OR51B5: variants seen among roughly 807,000 people sequenced by gnomAD.
OR51B5 encodes the protein olfactory receptor 51B5.
For synonymous variants in OR51B5, 186 were observed against 144.8 expected (o/e 1.28, Z -2.04); for missense variants, 456 against 374.6 (o/e 1.22, Z -1.79).
chr11:5,485,740 TC>T (rs1367128855), intron 1 of OR51B5, among the ~76,000 whole-genome samples: 4 of 152,144 alleles, frequency 2.6e-5, no homozygotes, highest in Non-Finnish European at 5.9e-5. Context: ...CATGGCTAGC[TC>T]TTTTGACTCA....
At chr11:5,370,816 G>A (rs1002615222) in intron 1 of OR51B5, among the ~76,000 whole-genome samples, 4 of 152,148 alleles carry the variant, frequency 2.6e-5, no homozygotes, top group Non-Finnish European at 5.9e-5. Context: ...ATGCAATAGA[G>A]AATAACAAAA....
intron 1 of OR51B5, among the ~76,000 whole-genome samples, chr11:5,465,653 G>A (rs546523765): frequency 1.8e-4 from 25 of 140,754 alleles, no homozygotes; most frequent in African/African-American, 5.3e-4. Flanking sequence ...AAATAACGAC[G>A]CATATCTACA....
At chr11:5,476,410 G>T (rs1298947029) in intron 1 of OR51B5, among the ~76,000 whole-genome samples, 1 of 152,126 alleles carries the variant, frequency 6.6e-6, no homozygotes, top group Non-Finnish European at 1.5e-5. Context: ...ATGGCCACAA[G>T]GGGGCACTCA....
intron 1 of OR51B5, among the ~76,000 whole-genome samples, chr11:5,447,994 G>A (rs144108193): frequency 6.6e-6 from 1 of 152,246 alleles, no homozygotes; most frequent in East Asian, 1.9e-4. Flanking sequence ...ACTCCTCAAA[G>A]TCTGAGTTTC....
chr11:5,384,392 A>T (rs1458523484), intron 1 of OR51B5, among the ~76,000 whole-genome samples: 184 of 152,328 alleles, frequency 1.2e-3, no homozygotes, highest in African/African-American at 4.2e-3. Context: ...CAGGGTTCTC[A>T]CAGAATCTCT....
At chr11:5,390,026 T>C in intron 1 of OR51B5, 1 of 1,613,570 alleles carries the variant, frequency 6.2e-7, no homozygotes, top group Non-Finnish European at 8.5e-7. Context: ...CAATAATCTG[T>C]ATGGACTGAT....
rs557604315 is a variant in OR51B5, at chr11:5,349,227, CTCAGTTT to C, written n.85-2324_85-2318del. ...CAACTGAGTGAATCAAGTGAAAGCA[CTCAGTTT>C]TCAATATGAAAACAGACAAGACAAA... On this transcript the variant is annotated intron_variant and non_coding_transcript_variant, in intron 1 of 4. Coordinates refer to the OR51B5 transcript ENST00000415970. Among the ~76,000 whole-genome samples, 10 of 152,202 alleles carry C rather than the reference CTCAGTTT, an allele frequency of 6.6e-5. No individual in the cohort carries two copies. The South Asian group carries it at 2.1e-3, about 32-fold the overall frequency.
At position 5,390,269 on chromosome 11, in the gene OR51B5, G is replaced by A. The variant is rs1352900534; in HGVS notation, n.85-43359C>T. 5 of 1,614,024 alleles carry A rather than the reference G, an allele frequency of 3.1e-6. No homozygotes were observed. In the South Asian group the frequency reaches 4.4e-5, roughly 14 times the overall value. On this transcript the variant is annotated intron_variant and non_coding_transcript_variant, in intron 1 of 4. Coordinates refer to the OR51B5 transcript ENST00000415970. ...TGCTATTCATCTTCTTATGGCCAATGTCTACCTTTTTGTGCCTCCCATGCT... is the reference window on the plus strand; with the variant it reads ...TGCTATTCATCTTCTTATGGCCAATATCTACCTTTTTGTGCCTCCCATGCT...
At position 5,441,505 on chromosome 11, in the gene OR51B5, G is replaced by C. The variant is rs1850689783; in HGVS notation, n.84+64064C>G. 7 of 1,610,720 alleles carry C rather than the reference G, an allele frequency of 4.3e-6. No individual in the cohort carries two copies. The highest frequency in any genetic ancestry group is 5.1e-6 in the Non-Finnish European group (6 of 1,179,376). Reference sequence around the variant, plus strand: ...GCTGGCTGGAAGGGGGTGCCATTGAGACCCAGCATGGTGGGAGAATATAGA... The same window carrying C: ...GCTGGCTGGAAGGGGGTGCCATTGACACCCAGCATGGTGGGAGAATATAGA... On this transcript the variant is annotated intron_variant and non_coding_transcript_variant, in intron 1 of 4. Transcript: ENST00000415970.
At chr11:5,429,234 T>A (rs1407512717) in intron 1 of OR51B5, among the ~76,000 whole-genome samples, 2 of 152,164 alleles carry the variant, frequency 1.3e-5, no homozygotes, top group East Asian at 3.8e-4. Context: ...TTTGAGAGTT[T>A]GGGGAGACTG....
intron 1 of OR51B5, among the ~76,000 whole-genome samples, chr11:5,418,446 A>G (rs1376124667): frequency 1.3e-5 from 2 of 151,486 alleles, no homozygotes; most frequent in African/African-American, 2.4e-5. Flanking sequence ...AAGAAAAACA[A>G]AACAAACAAA....
chr11:5,395,966 T>C (rs1253513650), intron 1 of OR51B5, among the ~76,000 whole-genome samples: 1 of 152,252 alleles, frequency 6.6e-6, no homozygotes, highest in Non-Finnish European at 1.5e-5. Flanking sequence ...TAAAATTGCA[T>C]ATGAATGGCT....
At chr11:5,458,678 C>A (rs1846316) in intron 1 of OR51B5, among the ~76,000 whole-genome samples, 98,346 of 152,018 alleles carry the variant, frequency 0.65, 32,099 homozygotes, top group Non-Finnish European at 0.67. Flanking sequence ...TCACCTGCAC[C>A]GTTAACTGTA....
intron 1 of OR51B5, among the ~76,000 whole-genome samples, chr11:5,406,760 T>A (rs985105008): frequency 6.6e-6 from 1 of 152,122 alleles, no homozygotes; most frequent in African/African-American, 2.4e-5. Flanking sequence ...AAGATCAAGA[T>A]TCCAAAGAGA....
intron 1 of OR51B5, among the ~76,000 whole-genome samples, chr11:5,401,603 C>T (rs1308384002): frequency 6.6e-6 from 1 of 152,152 alleles, no homozygotes; most frequent in Non-Finnish European, 1.5e-5. Flanking sequence ...TTTTTATATA[C>T]CATGCTATAG....
intron 1 of OR51B5, among the ~76,000 whole-genome samples, chr11:5,417,341 C>T (rs1367331793): frequency 3.3e-5 from 5 of 151,880 alleles, no homozygotes; most frequent in Admixed American, 3.3e-4. Context: ...AAAACCTAGG[C>T]ATTACCATTC....
chr11:5,370,041 G>T (rs1438973650), intron 1 of OR51B5, among the ~76,000 whole-genome samples: 1 of 152,132 alleles, frequency 6.6e-6, no homozygotes, highest in Non-Finnish European at 1.5e-5. Context: ...CCCCAGGAGA[G>T]TCAGTGTTCC....
chr11:5,450,540 G>C (rs576847423), intron 1 of OR51B5, among the ~76,000 whole-genome samples: 1 of 152,252 alleles, frequency 6.6e-6, no homozygotes, highest in African/African-American at 2.4e-5. Flanking sequence ...TAAACCACCT[G>C]GTTCCTATAT....
At chr11:5,367,398 T>C (rs58833590) in intron 1 of OR51B5, among the ~76,000 whole-genome samples, 5,078 of 152,168 alleles carry the variant, frequency 0.033, 281 homozygotes, top group African/African-American at 0.11. Context: ...TGGTTGCCCA[T>C]TTTTATGGTT....
Sources: gnomAD v4.1 joint callset for allele counts (sites outside exome capture counted in the v4.1 genomes callset) on GRCh38, gnomAD v4.1.1 for gene constraint, MANE v1.5 for transcripts, NCBI Gene and HGNC (gene_info 2026-07-23, HGNC 2026-07-21) for gene names.